MOB3B: variants seen among roughly 807,000 people sequenced by gnomAD.
The protein encoded by MOB3B is MOB kinase activator 3B.
A neutral mutation model predicts 18.7 loss-of-function variants in MOB3B; 7 were observed. That is an observed-to-expected ratio of 0.37 (90% CI 0.21 to 0.70). The LOEUF is 0.70. Among genes scored for constraint, MOB3B ranks in the 30% least tolerant of loss-of-function variants. The pLI is 0.52. For missense variants in MOB3B, 253 were observed against 281.3 expected (o/e 0.90, Z 0.72); for synonymous variants, 111 against 99.9 (o/e 1.11, Z -0.66).
At chr9:27,333,926 G>A (rs1365083069) in intron 3 of MOB3B, among the ~76,000 whole-genome samples, 1 of 152,008 alleles carries the variant, frequency 6.6e-6, no homozygotes, top group Non-Finnish European at 1.5e-5. Context: ...GTCTCCAACT[G>A]GCCAGTTTCT....
chr9:27,379,374 C>T (rs188612489), intron 2 of MOB3B, among the ~76,000 whole-genome samples: 209 of 152,302 alleles, frequency 1.4e-3, no homozygotes, highest in African/African-American at 4.7e-3. Context: ...AGACAGCTAG[C>T]TGTGGGGTGA....
intron 2 of MOB3B, among the ~76,000 whole-genome samples, chr9:27,444,001 C>T (rs990213678): frequency 4.6e-5 from 7 of 152,016 alleles, no homozygotes; most frequent in African/African-American, 1.5e-4. Flanking sequence ...TGAGCCCCAT[C>T]TAAGAACATT....
At chr9:27,419,516 C>T (rs1822207834) in intron 2 of MOB3B, among the ~76,000 whole-genome samples, 1 of 152,118 alleles carries the variant, frequency 6.6e-6, no homozygotes, top group African/African-American at 2.4e-5. Context: ...TTACAGCCAA[C>T]CGATCTTCAA....
At chr9:27,523,605 G>A (rs1483346018) in intron 1 of MOB3B, among the ~76,000 whole-genome samples, 1 of 152,154 alleles carries the variant, frequency 6.6e-6, no homozygotes, top group East Asian at 1.9e-4. Context: ...CTAAGTCCAG[G>A]ATGGATTTAA....
chr9:27,350,955 T>C (rs552523079), intron 3 of MOB3B, among the ~76,000 whole-genome samples: 1 of 147,482 alleles, frequency 6.8e-6, no homozygotes, highest in African/African-American at 2.5e-5. Flanking sequence ...CAGGCTGGAG[T>C]GTGATGGCAC....
chr9:27,420,547 C>CTATATA (rs1822228701), intron 2 of MOB3B, among the ~76,000 whole-genome samples: 1 of 44,804 alleles, frequency 2.2e-5, no homozygotes, highest in Non-Finnish European at 3.9e-5. Context: ...TCTGTATATT[C>CTATATA]CATATATATA....
intron 2 of MOB3B, among the ~76,000 whole-genome samples, chr9:27,408,149 G>A (rs570411564): frequency 1.3e-5 from 2 of 152,316 alleles, no homozygotes; most frequent in African/African-American, 2.4e-5. Flanking sequence ...ATAATGTGAT[G>A]AGCAGAGTAA....
chr9:27,504,641 G>A (rs1429959369), intron 1 of MOB3B, among the ~76,000 whole-genome samples: 1 of 152,172 alleles, frequency 6.6e-6, no homozygotes, highest in African/African-American at 2.4e-5. Flanking sequence ...GACTATCAGA[G>A]TCCTGAACAG....
At position 27,336,975 on chromosome 9, in the gene MOB3B, A is replaced by C. The variant is rs73643190; in HGVS notation, c.622-6359T>G. 7.5e-3 allele frequency among the ~76,000 whole-genome samples: 1,142 copies of C among 152,338 alleles called. 15 individuals are homozygous for C. The highest frequency in any genetic ancestry group is 0.026 in the African/African-American group (1,063 of 41,588). ...CGTCAAAGGGTATTGCACGTTTCAC[A>C]AAGTGCCTCCCTGCCCATTAATCAG... is the stretch of plus-strand genomic sequence containing the variant. On this transcript the variant is annotated intron_variant, in intron 3 of 3. Coordinates refer to ENST00000262244, the MANE Select transcript of MOB3B (RefSeq NM_024761.5).
chr9:27,346,636 T>C (rs1266195511), intron 3 of MOB3B, among the ~76,000 whole-genome samples: 1 of 152,192 alleles, frequency 6.6e-6, no homozygotes, highest in Non-Finnish European at 1.5e-5. Context: ...TTAAAGTTCT[T>C]CTATATGAAA....
chr9:27,509,882 G>A (rs1014399573), intron 1 of MOB3B, among the ~76,000 whole-genome samples: 1 of 152,064 alleles, frequency 6.6e-6, no homozygotes, highest in Non-Finnish European at 1.5e-5. Context: ...GCAGCACCGC[G>A]TCCGGCTAAT....
At chr9:27,453,763 C>T (rs149892805) in intron 2 of MOB3B, among the ~76,000 whole-genome samples, 1 of 152,220 alleles carries the variant, frequency 6.6e-6, no homozygotes, top group East Asian at 1.9e-4. Flanking sequence ...ACATGTTCAG[C>T]ATAGAGCACT....
chr9:27,517,817 CAAAG>C (rs964823244), intron 1 of MOB3B, among the ~76,000 whole-genome samples: 14 of 151,668 alleles, frequency 9.2e-5, no homozygotes, highest in African/African-American at 3.1e-4. Context: ...AAATGGAAAA[CAAAG>C]AAAACAAACA....
At chr9:27,518,338 C>T (rs1820271445) in intron 1 of MOB3B, among the ~76,000 whole-genome samples, 1 of 152,196 alleles carries the variant, frequency 6.6e-6, no homozygotes, top group South Asian at 2.1e-4. Context: ...CACATCTATT[C>T]ACTGAGTAAA....
rs547893253 is a variant in MOB3B at position 27,443,466 on chromosome 9, G to T, written c.418+11667C>A. Among the ~76,000 whole-genome samples the T allele has an allele frequency of 6.8e-4, 104 of 152,192 alleles. 1 individual carries two copies. The highest frequency in any genetic ancestry group is 3.4e-3 in the Middle Eastern group (1 of 294). ...AACGATTTCTTCCTTTCTTTTACTG[G>T]TCTATCACTGAACCTTCTCAAACTG... is the stretch of plus-strand genomic sequence containing the variant. On this transcript the variant is annotated intron_variant, in intron 2 of 3. Transcript: ENST00000262244.
At chr9:27,334,068 T>C (rs1820828745) in intron 3 of MOB3B, among the ~76,000 whole-genome samples, 1 of 152,250 alleles carries the variant, frequency 6.6e-6, no homozygotes, top group Non-Finnish European at 1.5e-5. Flanking sequence ...TTGCATTCTA[T>C]CACATTGGAA....
chr9:27,439,996 T>G (rs141347029), intron 2 of MOB3B, among the ~76,000 whole-genome samples: 31 of 152,276 alleles, frequency 2.0e-4, no homozygotes, highest in African/African-American at 7.5e-4. Context: ...GTAAAGCACC[T>G]AGTTAACCTA....
At chr9:27,431,085 A>C (rs1435572742) in intron 2 of MOB3B, among the ~76,000 whole-genome samples, 1 of 152,192 alleles carries the variant, frequency 6.6e-6, no homozygotes, top group Non-Finnish European at 1.5e-5. Flanking sequence ...TGCCTTCTGT[A>C]TTGGGAAAAA....
chr9:27,435,248 C>G (rs1048119293), intron 2 of MOB3B, among the ~76,000 whole-genome samples: 1 of 152,184 alleles, frequency 6.6e-6, no homozygotes, highest in African/African-American at 2.4e-5. Flanking sequence ...AACTATGGCA[C>G]AAACCTGAGG....
Sources: gnomAD v4.1 joint callset for allele counts (sites outside exome capture counted in the v4.1 genomes callset) on GRCh38, gnomAD v4.1.1 for gene constraint, MANE v1.5 for transcripts, NCBI Gene and HGNC (gene_info 2026-07-23, HGNC 2026-07-21) for gene names.